The following ELOVL5 variants were observed in gnomAD, a reference collection of about 807,000 sequenced individuals.
ELOVL5 encodes the protein very long chain fatty acid elongase 5.
ELOVL5 carries 8 observed loss-of-function variants against 38.6 expected under a neutral mutation model. The ratio of observed to expected loss-of-function variants is 0.21; its 90% CI spans 0.12 to 0.37. The LOEUF is 0.37. Among genes scored for constraint, ELOVL5 ranks in the 10% least tolerant of loss-of-function variants. The probability of loss-of-function intolerance (pLI) is 1.00; values close to 1 mark genes in which losing one functional copy is unlikely to be tolerated. For missense variants in ELOVL5, 280 were observed against 367.8 expected (o/e 0.76, Z 1.95); for synonymous variants, 127 against 133.7 (o/e 0.95, Z 0.34).
intron 1 of ELOVL5, 57 bp downstream of exon 1, chr6:53,348,760 G>A (rs1769696768): frequency 4.4e-6 from 2 of 451,178 alleles, no homozygotes; most frequent in Non-Finnish European, 8.9e-6. Flanking sequence ...GCGCTCGCGC[G>A]GGTGTCATGG....
At chr6:53,312,555 C>G (rs546151587) in intron 1 of ELOVL5, among the ~76,000 whole-genome samples, 1 of 152,092 alleles carries the variant, frequency 6.6e-6, no homozygotes, top group Non-Finnish European at 1.5e-5. Flanking sequence ...TTATGAAGGC[C>G]ACATGTGCTG....
chr6:53,306,177 A>C (rs1344881288), intron 1 of ELOVL5, among the ~76,000 whole-genome samples: 1 of 142,036 alleles, frequency 7.0e-6, no homozygotes, highest in Non-Finnish European at 1.5e-5. Context: ...TTGGCTCGGC[A>C]TGAGAGGGAG....
intron 1 of ELOVL5, among the ~76,000 whole-genome samples, chr6:53,333,880 C>T (rs1449029372): frequency 2.3e-5 from 3 of 127,960 alleles, no homozygotes; most frequent in Admixed American, 7.1e-5. Context: ...GCTCAAATTC[C>T]ACGGTGAAAC....
chr6:53,273,645 C>T (rs1766006347), intron 5 of ELOVL5, among the ~76,000 whole-genome samples: 1 of 152,336 alleles, frequency 6.6e-6, no homozygotes, highest in African/African-American at 2.4e-5. Flanking sequence ...CAGATGCCCA[C>T]CCACTCTCAG....
At chr6:53,344,628 T>C (rs1002103952) in intron 1 of ELOVL5, among the ~76,000 whole-genome samples, 1 of 152,196 alleles carries the variant, frequency 6.6e-6, no homozygotes, top group South Asian at 2.1e-4. Context: ...GGGAATGCTG[T>C]AGCATCCATT....
intron 1 of ELOVL5, among the ~76,000 whole-genome samples, chr6:53,296,345 C>CA (rs1767003362): frequency 6.6e-6 from 1 of 152,122 alleles, no homozygotes; most frequent in Non-Finnish European, 1.5e-5. Context: ...ACAAAGAGGT[C>CA]ATGCTAAATG....
At chr6:53,320,397 C>T (rs1382615668) in intron 1 of ELOVL5, among the ~76,000 whole-genome samples, 3 of 151,828 alleles carry the variant, frequency 2.0e-5, no homozygotes, top group East Asian at 1.9e-4. Flanking sequence ...AGTGCAGTGG[C>T]GCGATCTCGG....
chr6:53,335,836 C>A (rs572174283), intron 1 of ELOVL5, among the ~76,000 whole-genome samples: 3 of 152,308 alleles, frequency 2.0e-5, no homozygotes, highest in African/African-American at 7.2e-5. Flanking sequence ...TTTCTGGGAA[C>A]TTCCCATAAA....
chr6:53,336,958 G>T (rs536175641), intron 1 of ELOVL5: 2 of 152,292 alleles, frequency 1.3e-5, no homozygotes, highest in South Asian at 4.2e-4. Context: ...ATTTCTGGTA[G>T]TGAGCACAGG....
intron 2 of ELOVL5, among the ~76,000 whole-genome samples, chr6:53,293,906 A>C (rs1766872864): frequency 6.6e-6 from 1 of 152,154 alleles, no homozygotes; most frequent in African/African-American, 2.4e-5. Flanking sequence ...TGTGCTTAGA[A>C]GTCATTCAGG....
intron 1 of ELOVL5, among the ~76,000 whole-genome samples, chr6:53,342,727 C>T (rs549504116): frequency 6.6e-6 from 1 of 152,242 alleles, no homozygotes; most frequent in African/African-American, 2.4e-5. Flanking sequence ...AGAAATTTTT[C>T]CCTAAATCCC....
chr6:53,302,146 G>A (rs751087605), intron 1 of ELOVL5, among the ~76,000 whole-genome samples: 2 of 152,236 alleles, frequency 1.3e-5, no homozygotes, highest in East Asian at 1.9e-4. Flanking sequence ...ACTAACACGA[G>A]CAGAACAAAG....
chr6:53,293,194 T>G (rs1178668802), intron 2 of ELOVL5, among the ~76,000 whole-genome samples: 1 of 152,160 alleles, frequency 6.6e-6, no homozygotes, highest in Non-Finnish European at 1.5e-5. Context: ...CTCCTCAATC[T>G]TAACTACCCG....
intron 1 of ELOVL5, among the ~76,000 whole-genome samples, chr6:53,310,152 TA>T (rs1343413548): frequency 6.6e-6 from 1 of 152,146 alleles, no homozygotes; most frequent in Non-Finnish European, 1.5e-5. Context: ...TAATAAAATA[TA>T]AACCCTCCCC....
intron 3 of ELOVL5, among the ~76,000 whole-genome samples, chr6:53,284,812 T>A (rs990951344): frequency 3.3e-5 from 5 of 152,178 alleles, no homozygotes; most frequent in African/African-American, 1.2e-4. Flanking sequence ...ACTATTATTA[T>A]ATCTGTTGTG....
At position 53,286,755 on chromosome 6, in the gene ELOVL5, T is replaced by C. The variant is rs532533119; in HGVS notation, c.246+5021A>G. ...CGACTCAAGATGAATTGGTCAAAAA[T>C]ATACTGACTGAAAAAAATCTATTTG... On this transcript the variant is annotated intron_variant, in intron 3 of 7. Coordinates refer to ENST00000304434, the MANE Select transcript of ELOVL5 (RefSeq NM_021814.5). Among the ~76,000 whole-genome samples, 6 of 152,252 alleles carry C rather than the reference T, an allele frequency of 3.9e-5. No homozygotes were observed. The South Asian group carries it at 1.2e-3, about 32-fold the overall frequency.
chr6:53,277,083 A>G (rs1029535701), intron 3 of ELOVL5: 1 of 151,368 alleles, frequency 6.6e-6, no homozygotes. Flanking sequence ...CTGCACCCCA[A>G]TTCTTGTGTT....
chr6:53,286,128 A>G (rs1766560831), intron 3 of ELOVL5, among the ~76,000 whole-genome samples: 1 of 152,204 alleles, frequency 6.6e-6, no homozygotes, highest in Non-Finnish European at 1.5e-5. Flanking sequence ...AAATGAATTA[A>G]ATTTCCCCAT....
At chr6:53,310,534 T>A (rs1767787227) in intron 1 of ELOVL5, among the ~76,000 whole-genome samples, 1 of 152,196 alleles carries the variant, frequency 6.6e-6, no homozygotes, top group African/African-American at 2.4e-5. Context: ...GCTCACAAAG[T>A]TAAGTTACTT....
Sources: gnomAD v4.1 joint callset for allele counts (sites outside exome capture counted in the v4.1 genomes callset) on GRCh38, gnomAD v4.1.1 for gene constraint, MANE v1.5 for transcripts, NCBI Gene and HGNC (gene_info 2026-07-23, HGNC 2026-07-21) for gene names.